The following TPO variants were observed in gnomAD, a reference collection of about 807,000 sequenced individuals.
TPO encodes the protein thyroid peroxidase.
TPO carries 78 observed loss-of-function variants against 96.9 expected under a neutral mutation model. The observed-to-expected ratio is 0.81, with a 90% CI of 0.67 to 0.97. TPO has a LOEUF of 0.97. Ranked by LOEUF, TPO falls within the 50% of genes least tolerant of loss-of-function variation. The pLI is 0.00. For missense variants in TPO, 1,252 were observed against 1,274.8 expected (o/e 0.98, Z 0.27); for synonymous variants, 547 against 538.0 (o/e 1.02, Z -0.23).
At chr2:1,483,728 A>C (rs1034436907) in intron 8 of TPO, among the ~76,000 whole-genome samples, 1 of 152,176 alleles carries the variant, frequency 6.6e-6, no homozygotes, top group Non-Finnish European at 1.5e-5. Context: ...TTGTCTGTCC[A>C]GGTCTCCGAG....
At position 1,542,616 on chromosome 2, in the gene TPO, T is replaced by C. The variant is rs1393470674; in HGVS notation, c.*142T>C. The stretch of plus-strand genomic sequence containing the variant: ...AAATCTAGTACCATGTCGTAGTTAC[T>C]CTCAGGCATGGATGAATAAATGTTA... On this transcript the variant is annotated 3_prime_UTR_variant, in exon 17 of 17. Transcript: ENST00000329066. 2 of 1,552,288 alleles carry C rather than the reference T, an allele frequency of 1.3e-6. No homozygotes were observed. Among genetic ancestry groups the C allele is most frequent in the Non-Finnish European group, 1.7e-6 (2 of 1,146,982 alleles).
Position 1,484,996 on chromosome 2 carries a change from T to G in TPO, c.1597+142T>G, listed in dbSNP as rs567732053. ...TAGGGTATACATGTGCCATGTTGGT[T>G]TGCTGTACCCATTAACTCGTAATTT... is the stretch of plus-strand genomic sequence containing the variant. On this transcript the variant is annotated intron_variant, in intron 9 of 16. Transcript: ENST00000329066. 395 of 1,343,774 alleles carry G rather than the reference T, an allele frequency of 2.9e-4. 1 individual carries two copies. The highest frequency in any genetic ancestry group is 8.6e-4 in the East Asian group (34 of 39,752). The allele number at this position is 1,343,774 out of a possible 1,614,324, so 83.2% of individuals were successfully genotyped here. A position where few individuals can be genotyped will look rare whatever the true frequency, so the allele number is the denominator to read the frequency against.
intron 15 of TPO, among the ~76,000 whole-genome samples, chr2:1,532,852 CCA>C (rs1678635348): frequency 1.3e-5 from 1 of 78,536 alleles, no homozygotes; most frequent in Non-Finnish European, 2.3e-5. Context: ...CAAATCCCCC[CCA>C]CTCTGCGCAA....
chr2:1,525,913 A>ATCCCCGTACTGTGTGCAACCTCCTCAAC (rs1676353948), intron 15 of TPO, among the ~76,000 whole-genome samples: 1 of 131,540 alleles, frequency 7.6e-6, no homozygotes, highest in Non-Finnish European at 1.6e-5. Flanking sequence ...ACCTCCTCAA[A>ATCCCCGTACTGTGTGCAACCTCCTCAAC]TCCCCCCACT....
chr2:1,447,300 A>G (rs571306305), intron 5 of TPO, among the ~76,000 whole-genome samples: 4 of 152,364 alleles, frequency 2.6e-5, no homozygotes, highest in South Asian at 2.1e-4. Flanking sequence ...TAACCCAGAC[A>G]GTCTTAAGTC....
intron 13 of TPO, among the ~76,000 whole-genome samples, chr2:1,501,216 C>T (rs1383286762): frequency 6.6e-6 from 1 of 152,200 alleles, no homozygotes; most frequent in Non-Finnish European, 1.5e-5. Flanking sequence ...CATGTGGAGA[C>T]TGGACACCAC....
chr2:1,477,305 G>T lies in TPO; in HGVS notation c.1039G>T (p.Glu347Ter), dbSNP rs867643439. 5.7e-6 allele frequency: 9 copies of T among 1,583,496 alleles called. No individual in the cohort carries two copies. The change falls in exon 8 of 17, where the codon GAA becomes TAA. Residue 347 changes from glutamate to a stop codon, truncating the protein, a stop_gained. Coordinates refer to ENST00000329066, the MANE Select transcript of TPO (RefSeq NM_001206744.2). LOFTEE classifies it high-confidence loss of function. ...ERQLRNWTSA[E>*]GLLRVHARLR... ...GCAGCTGCGGAACTGGACCAGTGCC[G>T]AAGGGCTGCTCCGCGTCCACGCGCG...
chr2:1,441,751 A>G (rs1479439523), intron 5 of TPO, among the ~76,000 whole-genome samples: 2 of 152,170 alleles, frequency 1.3e-5, no homozygotes, highest in Non-Finnish European at 2.9e-5. Context: ...AAGCAGTCAC[A>G]TTGGCTGAGA....
At chr2:1,524,843 C>A (rs1676058196) in intron 15 of TPO, among the ~76,000 whole-genome samples, 1 of 136,602 alleles carries the variant, frequency 7.3e-6, no homozygotes. Flanking sequence ...ACATTCTGAG[C>A]AACCTCCCCA....
At chr2:1,533,345 C>T (rs1678786655) in intron 15 of TPO, among the ~76,000 whole-genome samples, 1 of 101,684 alleles carries the variant, frequency 9.8e-6, no homozygotes, top group South Asian at 4.2e-4. Flanking sequence ...CCACTGTGTG[C>T]AACCTTCCCA....
intron 2 of TPO, among the ~76,000 whole-genome samples, chr2:1,415,861 C>T (rs1460683148): frequency 6.6e-6 from 1 of 152,206 alleles, no homozygotes; most frequent in Non-Finnish European, 1.5e-5. Context: ...AATTTTTCTG[C>T]ATCTCAGGAC....
At chr2:1,438,479 T>C (rs2148510265) in intron 5 of TPO, among the ~76,000 whole-genome samples, 1 of 152,240 alleles carries the variant, frequency 6.6e-6, no homozygotes, top group South Asian at 2.1e-4. Flanking sequence ...TCCATTTCCT[T>C]TTCTGCCTGC....
rs941244943 is a variant in TPO at position 1,453,597 on chromosome 2, A to G, written c.483-97A>G. The G allele has an allele frequency of 2.5e-6, 4 of 1,598,418 alleles. No individual in the cohort carries two copies. The African/African-American group carries it at 4.0e-5, about 16-fold the overall frequency. The stretch of plus-strand genomic sequence containing the variant: ...CCCCTTGGGCCTCCGGAGAGACCCC[A>G]CTTATTCTCCCTGAGAATGGTGTCT... On this transcript the variant is annotated intron_variant, in intron 5 of 16. Coordinates refer to ENST00000329066, the MANE Select transcript of TPO (RefSeq NM_001206744.2).
intron 1 of TPO, among the ~76,000 whole-genome samples, chr2:1,406,815 T>A (rs1379977030): frequency 2.6e-5 from 4 of 152,198 alleles, no homozygotes; most frequent in Non-Finnish European, 5.9e-5. Context: ...GGGTTTGGAA[T>A]GAGATGAGCT....
chr2:1,477,932 CCCACAACAGTGGCAG>C (rs1670143045), intron 8 of TPO: 1 of 984,664 alleles, frequency 1.0e-6, no homozygotes, highest in South Asian at 4.7e-5. Context: ...CAACCACAGC[CCCACAACAGTGGCAG>C]CCAGACCACC....
intron 2 of TPO, 68 bp from the exon 3 acceptor site, chr2:1,422,977 A>G (rs1339095406): frequency 3.2e-6 from 5 of 1,554,828 alleles, no homozygotes; most frequent in Non-Finnish European, 3.5e-6. Flanking sequence ...CTTGAGGAAC[A>G]AAGCAACACT....
rs1680691182 is a variant in TPO, at chr2:1,540,929, G to A, written c.2748+206G>A. The A allele has an allele frequency of 3.9e-6, 6 of 1,534,776 alleles. No individual in the cohort carries two copies. In the East Asian group the frequency reaches 1.5e-4, roughly 38 times the overall value. On this transcript the variant is annotated intron_variant, in intron 16 of 16. Coordinates refer to ENST00000329066, the MANE Select transcript of TPO (RefSeq NM_001206744.2). The stretch of plus-strand genomic sequence containing the variant: ...GAGCCTGCTTAGTGAGAGGAATGAA[G>A]ATGCCTTCCATTTGTACAAACCGGT...
chr2:1,386,200 C>G (rs143678312), intron 1 of TPO, among the ~76,000 whole-genome samples: 8,787 of 152,042 alleles, frequency 0.058, 667 homozygotes, highest in East Asian at 0.31. Flanking sequence ...GTTGATTTGG[C>G]GTGGAGAGTT....
At chr2:1,478,695 A>C (rs1204782819) in intron 8 of TPO, among the ~76,000 whole-genome samples, 3 of 152,222 alleles carry the variant, frequency 2.0e-5, no homozygotes, top group Admixed American at 6.5e-5. Flanking sequence ...AGACGGGCTC[A>C]CTGTCCTAAC....
Sources: gnomAD v4.1 joint callset for allele counts (sites outside exome capture counted in the v4.1 genomes callset) on GRCh38, gnomAD v4.1.1 for gene constraint, MANE v1.5 for transcripts, NCBI Gene and HGNC (gene_info 2026-07-23, HGNC 2026-07-21) for gene names.